Variants in UTP20 observed in about 807,000 individuals in gnomAD.
The protein encoded by UTP20 is UTP20 small subunit processome component.
In UTP20, 164 loss-of-function variants were observed where a neutral mutation model predicts 329.5. That is an observed-to-expected ratio of 0.50 (90% CI 0.44 to 0.57). The LOEUF is 0.57. UTP20 is among the 20% of genes least tolerant of loss of function. UTP20 has a pLI of 0.00. For missense variants in UTP20, 3,055 were observed against 3,284.2 expected, an observed-to-expected ratio of 0.93 and a Z score of 1.71; for synonymous variants, 1,151 against 1,159.3, an observed-to-expected ratio of 0.99 and a Z score of 0.14.
At chr12:101,313,174 CATT>C (rs1872848735) in intron 21 of UTP20, among the ~76,000 whole-genome samples, 1 of 152,132 alleles carries the variant, frequency 6.6e-6, no homozygotes, top group South Asian at 2.1e-4. Context: ...GTGTGCAGAA[CATT>C]ATTAAGTAAT....
At chr12:101,364,255 A>G (rs1261054816) in intron 45 of UTP20, among the ~76,000 whole-genome samples, 1 of 152,216 alleles carries the variant, frequency 6.6e-6, no homozygotes, top group Non-Finnish European at 1.5e-5. Flanking sequence ...TTAAAAATGT[A>G]TATTTACATT....
intron 60 of UTP20, among the ~76,000 whole-genome samples, chr12:101,385,221 T>A (rs1870786106): frequency 6.6e-6 from 1 of 152,070 alleles, no homozygotes; most frequent in Non-Finnish European, 1.5e-5. Context: ...CAGAGGTAAT[T>A]CAAAACGTTT....
chr12:101,293,302 G>T (rs922900797), intron 11 of UTP20, 57 bp downstream of exon 11: 2 of 1,493,122 alleles, frequency 1.3e-6, no homozygotes, highest in South Asian at 1.1e-5. Context: ...AGGAAAAAAC[G>T]ATCAAATTTG....
chr12:101,361,831 T>TTGTCG, intron 43 of UTP20, 131 bp from the exon 44 acceptor site: 1 of 692,288 alleles, frequency 1.4e-6, no homozygotes, highest in Admixed American at 2.3e-5. Flanking sequence ...TATGTGTCAT[T>TTGTCG]TGTCGAAGCT....
intron 19 of UTP20, 59 bp downstream of exon 19, chr12:101,309,898 GC>G: frequency 6.8e-7 from 1 of 1,467,272 alleles, no homozygotes; most frequent in Non-Finnish European, 9.5e-7. Context: ...GAATGATGGG[GC>G]CCAGATTATT....
intron 43 of UTP20, among the ~76,000 whole-genome samples, chr12:101,358,076 A>T (rs773062060): frequency 2.0e-5 from 3 of 152,208 alleles, no homozygotes; most frequent in African/African-American, 4.8e-5. Context: ...GACTCCTGGT[A>T]GTTAGCTTTA....
chr12:101,379,279 C>T (rs899206972), intron 56 of UTP20, 92 bp from the exon 57 acceptor site: 2 of 1,220,138 alleles, frequency 1.6e-6, no homozygotes, highest in Admixed American at 5.6e-5. Flanking sequence ...CCACTCCAAA[C>T]ACATAATACT....
intron 24 of UTP20, among the ~76,000 whole-genome samples, 181 bp downstream of exon 24, chr12:101,321,118 T>C (rs896067143): frequency 6.6e-6 from 1 of 152,206 alleles, no homozygotes; most frequent in Admixed American, 6.5e-5. Context: ...TTCTCCATGA[T>C]ACTAAAATAG....
chr12:101,303,559 G>C (rs530614662), intron 15 of UTP20, among the ~76,000 whole-genome samples: 20 of 152,310 alleles, frequency 1.3e-4, no homozygotes, highest in African/African-American at 4.6e-4. Context: ...ACGCTCTGTG[G>C]GGGTGGTGGG....
intron 42 of UTP20, 61 bp downstream of exon 42, chr12:101,356,754 A>G: frequency 5.8e-6 from 9 of 1,557,604 alleles, no homozygotes; most frequent in Non-Finnish European, 6.9e-6. Context: ...TTTCTTCCTT[A>G]CTTTTGAGTC....
chr12:101,369,641 G>A, intron 48 of UTP20, 80 bp from the exon 49 acceptor site: 1 of 722,944 alleles, frequency 1.4e-6, no homozygotes, highest in Non-Finnish European at 2.5e-6. Flanking sequence ...ATCATTTAAA[G>A]AGTCTGCATA....
At position 101,353,123 on chromosome 12, in the gene UTP20, G is replaced by A; in HGVS notation, c.5101G>A (p.Glu1701Lys). 1 of 1,594,236 alleles carries A rather than the reference G, an allele frequency of 6.3e-7. No homozygotes were observed. The highest frequency in any genetic ancestry group is 8.6e-7 in the Non-Finnish European group (1 of 1,165,798). Residue 1701 changes from glutamate to lysine, a missense_variant, in exon 40 of 62, where the codon GAA (glutamate) becomes AAA (lysine). By Grantham distance (56) the Glu-to-Lys change is moderately conservative (BLOSUM62 1). Transcript: ENST00000261637. ...LEEQMGKIENEENAIEAIELP... is the reference protein window; with the variant it reads ...LEEQMGKIENKENAIEAIELP... ...AGAACAAATGGGAAAAATTGAGAATGAAGAAAGTAAGTTTCTTAAACTTTC... is the reference window on the plus strand; with the variant it reads ...AGAACAAATGGGAAAAATTGAGAATAAAGAAAGTAAGTTTCTTAAACTTTC...
chr12:101,296,888 C>T (rs1425448658), intron 12 of UTP20, among the ~76,000 whole-genome samples: 1 of 152,210 alleles, frequency 6.6e-6, no homozygotes, highest in African/African-American at 2.4e-5. Context: ...TATTTACATA[C>T]ATGAGAAGAT....
In UTP20 at chr12:101,346,438, A is replaced by T. The variant is rs1418793976; in HGVS notation, c.4747-13A>T. On this transcript the variant is annotated splice_polypyrimidine_tract_variant and intron_variant, in intron 37 of 61. Transcript: ENST00000261637. ...TTATTCGGTAACTAATTCATATTTT[A>T]TCTTACCCATAGATCCACAGAAGAG... 6 of 1,574,686 alleles carry T rather than the reference A, an allele frequency of 3.8e-6. No individual in the cohort carries two copies. Among genetic ancestry groups the T allele is most frequent in the Non-Finnish European group, 5.1e-6 (6 of 1,166,388 alleles).
chr12:101,334,173 C>T (rs1292039316), intron 28 of UTP20, among the ~76,000 whole-genome samples: 1 of 152,100 alleles, frequency 6.6e-6, no homozygotes, highest in East Asian at 1.9e-4. Context: ...CAGTCATTTC[C>T]AACACTCTGA....
chr12:101,293,123 A>G, intron 10 of UTP20, 45 bp from the exon 11 acceptor site: 1 of 1,582,238 alleles, frequency 6.3e-7, no homozygotes, highest in Non-Finnish European at 8.7e-7. Context: ...GATGGGGAAA[A>G]TACTCTCTGT....
chr12:101,346,077 G>A (rs1388913410), intron 37 of UTP20, among the ~76,000 whole-genome samples: 1 of 151,740 alleles, frequency 6.6e-6, no homozygotes, highest in Non-Finnish European at 1.5e-5. Context: ...TTGAGATGGA[G>A]TTTCGCTCTT....
chr12:101,280,171 G>C lies in UTP20; in HGVS notation c.-112G>C. The C allele has an allele frequency of 7.3e-7, 1 of 1,367,570 alleles. No individual in the cohort carries two copies. Among genetic ancestry groups the C allele is most frequent in the Non-Finnish European group, 1.0e-6 (1 of 998,652 alleles). The allele number at this position is 1,367,570 out of a possible 1,614,324, so 84.7% of individuals were successfully genotyped here. On this transcript the variant is annotated 5_prime_UTR_variant, in exon 1 of 62. Coordinates refer to ENST00000261637, the MANE Select transcript of UTP20 (RefSeq NM_014503.3). ...GCTCAAGCCGCACGTGAGAAAGTCT[G>C]GGCATCTGGGAATCGGAGAGTATAG...
At chr12:101,340,414 T>A in intron 31 of UTP20, 109 bp from the exon 32 acceptor site, 1 of 651,018 alleles carries the variant, frequency 1.5e-6, no homozygotes, top group South Asian at 2.1e-5. Context: ...AGCTGTGTAT[T>A]GGAATGCTAA....
Sources: gnomAD v4.1 joint callset for allele counts (sites outside exome capture counted in the v4.1 genomes callset) on GRCh38, gnomAD v4.1.1 for gene constraint, MANE v1.5 for transcripts, NCBI Gene and HGNC (gene_info 2026-07-23, HGNC 2026-07-21) for gene names.